The following LOC128125817 variants were observed in gnomAD, a reference collection of about 807,000 sequenced individuals.
chr1:41,590,900 C>T, the LOC128125817 span, among the ~76,000 whole-genome samples: 1 of 152,138 alleles, frequency 6.6e-6, no homozygotes, highest in South Asian at 2.1e-4. Flanking sequence ...GCAGCTGAAC[C>T]CTGGCTCCTC....
the LOC128125817 span, among the ~76,000 whole-genome samples, chr1:41,602,640 G>A: frequency 1.3e-5 from 2 of 151,528 alleles, no homozygotes; most frequent in African/African-American, 2.4e-5. Context: ...TTCTAGCATA[G>A]CTAATGATTT....
chr1:41,586,664 C>T, the LOC128125817 span, among the ~76,000 whole-genome samples: 2 of 152,206 alleles, frequency 1.3e-5, no homozygotes, highest in Admixed American at 6.5e-5. Context: ...TGCAGGTGCT[C>T]AGAAGACGAA....
At chr1:41,609,280 T>G in the LOC128125817 span, among the ~76,000 whole-genome samples, 1 of 152,240 alleles carries the variant, frequency 6.6e-6, no homozygotes, top group East Asian at 1.9e-4. Flanking sequence ...GGGGGAACAC[T>G]TCTGATGTTC....
At chr1:41,615,181 A>G in the LOC128125817 span, among the ~76,000 whole-genome samples, 1 of 152,242 alleles carries the variant, frequency 6.6e-6, no homozygotes, top group Non-Finnish European at 1.5e-5. Flanking sequence ...ACTTCTTCCT[A>G]AGCAATAGGG....
chr1:41,600,347 A>AT, the LOC128125817 span, among the ~76,000 whole-genome samples: 1 of 152,230 alleles, frequency 6.6e-6, no homozygotes, highest in East Asian at 1.9e-4. Context: ...TGGATAAAAA[A>AT]TTCATTCATG....
the LOC128125817 span, among the ~76,000 whole-genome samples, chr1:41,627,312 T>C: frequency 6.6e-6 from 1 of 152,060 alleles, no homozygotes. Context: ...TGAGGCAGAG[T>C]TGGAGCAATT....
chr1:41,608,745 G>GT, the LOC128125817 span, among the ~76,000 whole-genome samples: 1 of 152,128 alleles, frequency 6.6e-6, no homozygotes, highest in Non-Finnish European at 1.5e-5. Context: ...TTCCTATCTT[G>GT]TTTTCTAATG....
At chr1:41,623,895 T>A in the LOC128125817 span, among the ~76,000 whole-genome samples, 130 of 59,916 alleles carry the variant, frequency 2.2e-3, no homozygotes, top group Non-Finnish European at 3.2e-3. Flanking sequence ...GCTCTCTGCA[T>A]GCCGATCAGA....
the LOC128125817 span, among the ~76,000 whole-genome samples, chr1:41,608,917 C>CAAAAAAAAAAAA: frequency 8.1e-6 from 1 of 123,548 alleles, no homozygotes; most frequent in African/African-American, 2.9e-5. Flanking sequence ...CTAAAAATAC[C>CAAAAAAAAAAAA]AAAAAAAAAA....
chr1:41,588,541 T>C, the LOC128125817 span, among the ~76,000 whole-genome samples: 2 of 151,634 alleles, frequency 1.3e-5, no homozygotes, highest in Non-Finnish European at 2.9e-5. Flanking sequence ...GCAGGGTAGA[T>C]GAAGGAGACA....
the LOC128125817 span, among the ~76,000 whole-genome samples, chr1:41,593,242 C>T: frequency 6.6e-6 from 1 of 152,206 alleles, no homozygotes; most frequent in Non-Finnish European, 1.5e-5. Flanking sequence ...ATGCCCCTCC[C>T]CAGAGAAGCT....
At chr1:41,590,980 G>C in the LOC128125817 span, among the ~76,000 whole-genome samples, 1 of 152,170 alleles carries the variant, frequency 6.6e-6, no homozygotes, top group Admixed American at 6.5e-5. Flanking sequence ...TGTAAAAAGG[G>C]ACAGTAAAAC....
chr1:41,586,111 A>G, the LOC128125817 span, among the ~76,000 whole-genome samples: 3 of 152,214 alleles, frequency 2.0e-5, no homozygotes, highest in Non-Finnish European at 4.4e-5. Flanking sequence ...CTGGCTTTGC[A>G]GCCTTTCCTT....
chr1:41,626,239 C>A, the LOC128125817 span, among the ~76,000 whole-genome samples: 1 of 152,220 alleles, frequency 6.6e-6, no homozygotes, highest in Non-Finnish European at 1.5e-5. Context: ...TGTTCGGATG[C>A]CATATATCCC....
the LOC128125817 span, among the ~76,000 whole-genome samples, chr1:41,587,360 G>A: frequency 3.3e-5 from 5 of 152,200 alleles, no homozygotes; most frequent in Non-Finnish European, 7.4e-5. Flanking sequence ...CAGGCTGAGT[G>A]TGGGGAAGAC....
chr1:41,622,174 G>T, the LOC128125817 span, among the ~76,000 whole-genome samples: 1 of 152,178 alleles, frequency 6.6e-6, no homozygotes, highest in Admixed American at 6.5e-5. Flanking sequence ...GAGGAAGGCC[G>T]AATCCCTGCC....
the LOC128125817 span, among the ~76,000 whole-genome samples, chr1:41,610,679 C>T: frequency 6.6e-6 from 1 of 152,234 alleles, no homozygotes; most frequent in African/African-American, 2.4e-5. Flanking sequence ...ACCTGTCCAG[C>T]TTCTCCAGCT....
the LOC128125817 span, among the ~76,000 whole-genome samples, chr1:41,610,306 C>T: frequency 2.0e-5 from 3 of 152,236 alleles, no homozygotes; most frequent in African/African-American, 7.2e-5. Context: ...ACCTTAGACA[C>T]TTTGCTGCTA....
At chr1:41,619,706 A>T in the LOC128125817 span, among the ~76,000 whole-genome samples, 1 of 152,136 alleles carries the variant, frequency 6.6e-6, no homozygotes, top group African/African-American at 2.4e-5. Flanking sequence ...CAGCAGAGGG[A>T]GAGCCAGGGC....
Sources: allele counts gnomAD v4.1 joint callset (sites outside exome capture counted in the v4.1 genomes callset), GRCh38; gene constraint gnomAD v4.1.1; transcripts MANE v1.5.